MYO16: variants seen among roughly 807,000 people sequenced by gnomAD.
MYO16 encodes the protein unconventional myosin-XVI.
A neutral mutation model predicts 205.3 loss-of-function variants in MYO16; 94 were observed. The ratio of observed to expected loss-of-function variants is 0.46; its 90% CI spans 0.39 to 0.54. MYO16 has a LOEUF of 0.54. Ranked by LOEUF, MYO16 falls within the 20% of genes least tolerant of loss-of-function variation. MYO16 has a pLI of 0.00. For missense variants in MYO16, 2,315 were observed against 2,387.5 expected, an observed-to-expected ratio of 0.97 and a Z score of 0.63; for synonymous variants, 988 against 954.0, an observed-to-expected ratio of 1.04 and a Z score of -0.66.
chr13:108,704,083 C>G (rs1330031087), intron 2 of MYO16, among the ~76,000 whole-genome samples: 1 of 152,166 alleles, frequency 6.6e-6, no homozygotes, highest in East Asian at 1.9e-4. Flanking sequence ...GGAAATCAAA[C>G]TGCCAACACC....
the MYO16 span, among the ~76,000 whole-genome samples, chr13:108,544,899 C>G: frequency 6.6e-6 from 1 of 152,174 alleles, no homozygotes; most frequent in African/African-American, 2.4e-5. Context: ...ATAATGACCT[C>G]CAGTTCCATC....
At chr13:109,091,734 T>C (rs1433835010) in intron 27 of MYO16, among the ~76,000 whole-genome samples, 1 of 152,172 alleles carries the variant, frequency 6.6e-6, no homozygotes, top group Non-Finnish European at 1.5e-5. Flanking sequence ...AATCCTCCAA[T>C]AGGTAACTCC....
At chr13:108,779,270 T>G (rs9514909) in intron 4 of MYO16, among the ~76,000 whole-genome samples, 51,662 of 152,114 alleles carry the variant, frequency 0.34, 9,984 homozygotes, top group East Asian at 0.63. Flanking sequence ...AGGTGTCTTG[T>G]TAGCATCCAG....
At chr13:108,604,189 C>T (rs1204490779) in intron 1 of MYO16, among the ~76,000 whole-genome samples, 4 of 152,042 alleles carry the variant, frequency 2.6e-5, no homozygotes, top group Admixed American at 1.3e-4. Flanking sequence ...GGTCCCTCCC[C>T]CAAGAGTGGG....
In MYO16 at chr13:109,206,884, G is replaced by A. The variant is rs746894114; in HGVS notation, c.*48G>A. On this transcript the variant is annotated 3_prime_UTR_variant, in exon 35 of 35. Coordinates refer to ENST00000457511, the MANE Select transcript of MYO16 (RefSeq NM_001198950.3). ...CAAAATAGAACTGCCTACTGATTCCGGGCTGCAACAACAGAAGGCTGCCTT... is the reference window on the plus strand; with the variant it reads ...CAAAATAGAACTGCCTACTGATTCCAGGCTGCAACAACAGAAGGCTGCCTT... 2.7e-5 allele frequency: 42 copies of A among 1,540,906 alleles called. No individual in the cohort carries two copies. Among genetic ancestry groups the A allele is most frequent in the Admixed American group, 5.4e-5 (3 of 55,254 alleles).
intron 23 of MYO16, among the ~76,000 whole-genome samples, chr13:109,044,305 G>T (rs1886971461): frequency 6.6e-6 from 1 of 152,190 alleles, no homozygotes; most frequent in South Asian, 2.1e-4. Context: ...AGCATGTTTA[G>T]AAAGTGGAAG....
At chr13:108,532,925 T>G in the MYO16 span, among the ~76,000 whole-genome samples, 1 of 151,954 alleles carries the variant, frequency 6.6e-6, no homozygotes, top group African/African-American at 2.4e-5. Flanking sequence ...CCTAACAAAA[T>G]GGAAGAGAAT....
chr13:108,549,174 G>A, the MYO16 span, among the ~76,000 whole-genome samples: 2 of 152,176 alleles, frequency 1.3e-5, no homozygotes, highest in African/African-American at 2.4e-5. Flanking sequence ...CATTGCAAAG[G>A]TGACTTTGCA....
chr13:108,674,510 TC>T lies in MYO16; in HGVS notation c.292+8363del, dbSNP rs386774554. 9.8e-3 allele frequency among the ~76,000 whole-genome samples: 1,487 copies of T among 152,282 alleles called. 20 individuals carry two copies. The highest frequency in any genetic ancestry group is 0.034 in the African/African-American group (1,414 of 41,542). ...TGGCGTTTTATTGGATGCAGCTTTATCCTCTCTCCCTGACCTCCCACAACCA... is the reference window on the plus strand; with the variant it reads ...TGGCGTTTTATTGGATGCAGCTTTATCTCTCTCCCTGACCTCCCACAACCA... On this transcript the variant is annotated intron_variant, in intron 2 of 34. Coordinates refer to ENST00000457511, the MANE Select transcript of MYO16 (RefSeq NM_001198950.3).
At chr13:109,073,557 G>T (rs1026106185) in intron 27 of MYO16, among the ~76,000 whole-genome samples, 9 of 152,122 alleles carry the variant, frequency 5.9e-5, no homozygotes, top group African/African-American at 2.2e-4. Context: ...AACACATACA[G>T]AAATACATGC....
intron 27 of MYO16, among the ~76,000 whole-genome samples, chr13:109,079,187 T>C (rs68089893): frequency 0.084 from 12,821 of 152,144 alleles, 584 homozygotes; most frequent in African/African-American, 0.11. Context: ...AGTTAGGGAT[T>C]AATTCATTTG....
intron 4 of MYO16, among the ~76,000 whole-genome samples, chr13:108,784,992 G>A (rs1886414595): frequency 6.6e-6 from 1 of 152,164 alleles, no homozygotes; most frequent in South Asian, 2.1e-4. Flanking sequence ...AGAGGTGCTG[G>A]GCTGATGAAG....
At chr13:108,908,646 G>A (rs1001818985) in intron 15 of MYO16, among the ~76,000 whole-genome samples, 3 of 152,084 alleles carry the variant, frequency 2.0e-5, no homozygotes, top group Non-Finnish European at 4.4e-5. Context: ...TTACTTCAAA[G>A]AGGAAAACTG....
Position 109,206,696 on chromosome 13 carries a change from C to T in MYO16, c.5503C>T (p.Gln1835Ter). ...DWRRKLCEEG[Q>*]DWQQILHHAE... is the part of the protein sequence containing the mutation. ...GAGGAGAAAGCTCTGTGAGGAAGGA[C>T]AAGACTGGCAGCAGATCCTGCACCA... Residue 1835 changes from glutamine (Q) to a stop codon, truncating the protein, a stop_gained, in exon 35 of 35, where the codon CAA becomes TAA. Transcript: ENST00000457511. LOFTEE classifies it high-confidence loss of function. 6.2e-7 allele frequency: 1 copy of T among 1,614,188 alleles called. No individual in the cohort carries two copies. The highest frequency in any genetic ancestry group is 8.5e-7 in the Non-Finnish European group (1 of 1,180,030).
At chr13:108,659,999 G>A (rs1205430428) in intron 1 of MYO16, among the ~76,000 whole-genome samples, 4 of 152,190 alleles carry the variant, frequency 2.6e-5, no homozygotes, top group Admixed American at 6.5e-5. Flanking sequence ...CTACTTGGGA[G>A]GCTGAAGTGG....
chr13:109,193,728 G>A (rs1201185858), intron 34 of MYO16, among the ~76,000 whole-genome samples: 4 of 152,020 alleles, frequency 2.6e-5, no homozygotes, highest in Admixed American at 2.0e-4. Context: ...TGATTTTGAC[G>A]CTTGTTTTCC....
intron 22 of MYO16, among the ~76,000 whole-genome samples, chr13:109,017,093 T>G (rs924965022): frequency 2.0e-5 from 3 of 152,226 alleles, no homozygotes; most frequent in Admixed American, 2.0e-4. Context: ...GTTTTAGCAG[T>G]GGCTGGTACT....
At chr13:108,820,467 A>G in intron 8 of MYO16, 55 bp downstream of exon 8, 3 of 1,397,002 alleles carry the variant, frequency 2.1e-6, no homozygotes, top group Non-Finnish European at 3.0e-6. Context: ...TTCCTTTCAT[A>G]TTGGAGTAGC....
intron 34 of MYO16, among the ~76,000 whole-genome samples, chr13:109,183,722 A>G (rs1413949966): frequency 6.6e-6 from 1 of 152,218 alleles, no homozygotes; most frequent in African/African-American, 2.4e-5. Flanking sequence ...AAGAACATAA[A>G]AAGTTATTAT....
Sources: gnomAD v4.1 joint callset for allele counts (sites outside exome capture counted in the v4.1 genomes callset) on GRCh38, gnomAD v4.1.1 for gene constraint, MANE v1.5 for transcripts, NCBI Gene and HGNC (gene_info 2026-07-23, HGNC 2026-07-21) for gene names.